Variants in DDX50 observed in about 807,000 individuals in gnomAD.
DDX50 encodes ATP-dependent RNA helicase DDX50.
Under a neutral mutation model 94.8 loss-of-function variants are expected in DDX50, and 56 were observed. The observed-to-expected ratio is 0.59, with a 90% CI of 0.48 to 0.74. The LOEUF (loss-of-function observed/expected upper bound fraction) is 0.74, where lower values mean the gene tolerates loss of function less well. Among genes scored for constraint, DDX50 ranks in the 30% least tolerant of loss-of-function variants. DDX50 has a pLI of 0.00. For missense variants in DDX50, 713 were observed against 881.2 expected, an observed-to-expected ratio of 0.81 and a Z score of 2.42; for synonymous variants, 264 against 295.4, an observed-to-expected ratio of 0.89 and a Z score of 1.09.
chr10:68,923,884 A>G (rs1227300473), intron 8 of DDX50, among the ~76,000 whole-genome samples: 2 of 100,692 alleles, frequency 2.0e-5, no homozygotes, highest in Non-Finnish European at 4.2e-5. Flanking sequence ...GTATGCTTTT[A>G]TTTGTTTTGT....
At position 68,934,456 on chromosome 10, in the gene DDX50, T is replaced by A; in HGVS notation, c.1401+96T>A. The A allele has an allele frequency of 6.5e-7, 1 of 1,532,820 alleles. No individual in the cohort carries two copies. 95.0% of individuals were successfully genotyped at this position (1,532,820 alleles called of 1,614,324 possible). On this transcript the variant is annotated intron_variant, in intron 9 of 14. Transcript: ENST00000373585. The surrounding 1 kb of genome is among the most constrained non-coding windows in gnomAD (Gnocchi z 4.0). ...TGCTTGGGATGTGAAAAATATGTCA[T>A]CTCTTCTTGCTCTTAGCCATTTTTT...
rs768875809 is a variant in DDX50 at position 68,917,414 on chromosome 10, G to A, written c.1090-2418G>A. ...GCGGAGGTTGCAGTGAGCTGAGATC[G>A]TGCCACTGAACTCTAGCCTGGGCAA... On this transcript the variant is annotated intron_variant, in intron 7 of 14. Transcript: ENST00000373585. Among the ~76,000 whole-genome samples, 10 of 152,228 alleles carry A rather than the reference G, an allele frequency of 6.6e-5. No individual in the cohort carries two copies. The East Asian group carries it at 1.2e-3, about 18-fold the overall frequency.
At chr10:68,920,336 C>T (rs760433869) in intron 8 of DDX50, among the ~76,000 whole-genome samples, 2 of 152,020 alleles carry the variant, frequency 1.3e-5, no homozygotes, top group South Asian at 2.1e-4. Context: ...TCATTTTTTG[C>T]GTATTTTGTA....
intron 8 of DDX50, among the ~76,000 whole-genome samples, chr10:68,925,062 C>T (rs937852982): frequency 6.7e-6 from 1 of 149,618 alleles, no homozygotes; most frequent in Non-Finnish European, 1.5e-5. Flanking sequence ...AATTCCCCCA[C>T]GTAGATACAA....
At chr10:68,945,706 C>G (rs1842654974) in intron 14 of DDX50, among the ~76,000 whole-genome samples, 1 of 152,164 alleles carries the variant, frequency 6.6e-6, no homozygotes, top group Non-Finnish European at 1.5e-5. Flanking sequence ...ATTTGTATAT[C>G]TTCACTTGTT....
intron 7 of DDX50, 95 bp downstream of exon 7, chr10:68,914,299 ATGCCTAATCTTCCTTTTC>A (rs1238171399): frequency 1.5e-6 from 2 of 1,342,656 alleles, no homozygotes; most frequent in Admixed American, 4.3e-5. Context: ...GTACCTCTTC[ATGCCTAATCTTCCTTTTC>A]TGCTCTTAGT....
intron 8 of DDX50, among the ~76,000 whole-genome samples, chr10:68,923,241 GTC>G (rs1436526526): frequency 2.1e-5 from 3 of 145,258 alleles, no homozygotes; most frequent in Non-Finnish European, 4.5e-5. Context: ...CGGAGATGGG[GTC>G]TCTGTCACCC....
Position 68,934,718 on chromosome 10 carries a change from ATT to A in DDX50, c.1402-80_1402-79del. ...GCAACAGGATTGAAATAAATATATT[ATT>A]ATTAACATTATTATTTGGATTCCGG... On this transcript the variant is annotated intron_variant, in intron 9 of 14. Coordinates refer to ENST00000373585, the MANE Select transcript of DDX50 (RefSeq NM_024045.2). This position sits in a 1 kb window ranked among gnomAD's most constrained non-coding sequence, Gnocchi z 4.0. The A allele has an allele frequency of 8.0e-6, 11 of 1,380,692 alleles. No homozygotes were observed. The allele number at this position is 1,380,692 out of a possible 1,614,324, so 85.5% of individuals were successfully genotyped here. A position where few individuals can be genotyped will look rare whatever the true frequency, so the allele number is the denominator to read the frequency against.
At chr10:68,931,620 G>A (rs533122670) in intron 8 of DDX50, among the ~76,000 whole-genome samples, 39 of 151,156 alleles carry the variant, frequency 2.6e-4, no homozygotes, top group Admixed American at 1.5e-3. Flanking sequence ...TTTTAGTAGA[G>A]ACGGGGTCTC....
At chr10:68,902,823 G>C (rs948896142) in intron 1 of DDX50, among the ~76,000 whole-genome samples, 1 of 152,138 alleles carries the variant, frequency 6.6e-6, no homozygotes, top group African/African-American at 2.4e-5. Flanking sequence ...CGAATGTACC[G>C]TTATCTAGTT....
rs10998493 is a variant in DDX50, at chr10:68,934,683, G to A, written c.1402-116G>A. The A allele has an allele frequency of 0.025, 31,712 of 1,253,184 alleles. 542 individuals carry two copies. Among genetic ancestry groups the A allele is most frequent in the Non-Finnish European group, 0.028 (25,776 of 926,268 alleles). 77.6% of individuals were successfully genotyped at this position (1,253,184 alleles called of 1,614,324 possible). ...TCCACACATATAAATTGTTTGGAAT[G>A]TTGAAAAGGGCAACAGGATTGAAAT... On this transcript the variant is annotated intron_variant, in intron 9 of 14. Coordinates refer to ENST00000373585, the MANE Select transcript of DDX50 (RefSeq NM_024045.2). The surrounding 1 kb of genome is among the most constrained non-coding windows in gnomAD (Gnocchi z 4.0).
chr10:68,936,826 G>A (rs1842432943), intron 11 of DDX50, 110 bp from the exon 12 acceptor site: 1 of 1,129,248 alleles, frequency 8.9e-7, no homozygotes, highest in East Asian at 2.5e-5. Flanking sequence ...GGGTGACAGA[G>A]CAAGGCTCTA....
chr10:68,914,077 A>G lies in DDX50; in HGVS notation c.962A>G (p.Gln321Arg). Reference sequence around the variant, plus strand: ...ATTTAAGATTCTGAAGACAATCCTCAGACTTTACTTTTTTCTGCAACTTGC... The same window carrying G: ...ATTTAAGATTCTGAAGACAATCCTCGGACTTTACTTTTTTCTGCAACTTGC... ...SYKTDSEDNPQTLLFSATCPQ... is the reference protein window; with the variant it reads ...SYKTDSEDNPRTLLFSATCPQ... Residue 321 changes from glutamine to arginine, a missense_variant, in exon 7 of 15, where the codon CAG (glutamine) becomes CGG (arginine). Coordinates refer to ENST00000373585, the MANE Select transcript of DDX50 (RefSeq NM_024045.2). The G allele has an allele frequency of 6.3e-7, 1 of 1,599,004 alleles. No individual in the cohort carries two copies. The highest frequency in any genetic ancestry group is 1.4e-5 in the African/African-American group (1 of 73,806).
intron 8 of DDX50, among the ~76,000 whole-genome samples, chr10:68,925,091 CATGGTTTT>C: frequency 8.2e-6 from 1 of 122,264 alleles, no homozygotes; most frequent in African/African-American, 3.4e-5. Context: ...CTTCCCTGCT[CATGGTTTT>C]TTTTTTTTTT....
At chr10:68,935,953 GAATT>G (rs1331502450) in intron 10 of DDX50, 49 bp from the exon 11 acceptor site, 10 of 1,170,260 alleles carry the variant, frequency 8.5e-6, no homozygotes, top group South Asian at 1.4e-5. Context: ...ATTAATTTAG[GAATT>G]AATTGTAAAG....
chr10:68,939,501 C>T (rs1842505504), intron 12 of DDX50, among the ~76,000 whole-genome samples: 1 of 152,090 alleles, frequency 6.6e-6, no homozygotes, highest in African/African-American at 2.4e-5. Flanking sequence ...ATAGGCTTTT[C>T]CTCTTGCTAT....
At chr10:68,912,272 G>C (rs926856037) in intron 4 of DDX50, among the ~76,000 whole-genome samples, 1 of 152,042 alleles carries the variant, frequency 6.6e-6, no homozygotes, top group Middle Eastern at 3.4e-3. Context: ...AGTACAGTGG[G>C]GTGATCATGG....
At chr10:68,943,453 T>C (rs1842596596) in intron 14 of DDX50, among the ~76,000 whole-genome samples, 196 bp downstream of exon 14, 1 of 152,190 alleles carries the variant, frequency 6.6e-6, no homozygotes, top group Non-Finnish European at 1.5e-5. Context: ...TGGAGTGCAG[T>C]GGCACAATCA....
chr10:68,905,276 T>C (rs1362655759), intron 1 of DDX50, among the ~76,000 whole-genome samples: 1 of 151,942 alleles, frequency 6.6e-6, no homozygotes, highest in Non-Finnish European at 1.5e-5. Flanking sequence ...ATCACAACAC[T>C]GGCCACTAGT....
Sources: allele counts gnomAD v4.1 joint callset (sites outside exome capture counted in the v4.1 genomes callset), GRCh38; gene constraint gnomAD v4.1.1; non-coding constraint Gnocchi (gnomAD v3.1); transcripts MANE v1.5; gene names NCBI Gene and HGNC (gene_info 2026-07-23, HGNC 2026-07-21).